The following NEIL3 variants were observed in gnomAD, a reference collection of about 807,000 sequenced individuals.
The protein encoded by NEIL3 is nei like DNA glycosylase 3, also known as endonuclease 8-like 3.
A neutral mutation model predicts 57.5 loss-of-function variants in NEIL3; 48 were observed. The ratio of observed to expected loss-of-function variants is 0.83; its 90% CI spans 0.66 to 1.06. The LOEUF (loss-of-function observed/expected upper bound fraction) is 1.06. Ranked by LOEUF, NEIL3 falls within the 50% of genes least tolerant of loss-of-function variation. The probability of loss-of-function intolerance (pLI) is 0.00; values close to 1 mark genes in which losing one functional copy is unlikely to be tolerated. For missense variants in NEIL3, 717 were observed against 739.1 expected (o/e 0.97, Z 0.35); for synonymous variants, 261 against 253.2 (o/e 1.03, Z -0.29).
intron 1 of NEIL3, among the ~76,000 whole-genome samples, chr4:177,312,722 G>C (rs560426654): frequency 3.9e-5 from 6 of 152,098 alleles, no homozygotes; most frequent in Non-Finnish European, 8.8e-5. Context: ...TTAAAAATTG[G>C]AATAGGTCTT....
intron 8 of NEIL3, chr4:177,356,928 T>C (rs1019461866): frequency 6.6e-6 from 1 of 152,226 alleles, no homozygotes; most frequent in African/African-American, 2.4e-5. Flanking sequence ...AAATTTTTCC[T>C]GCGTTGATGC....
At chr4:177,365,688 A>G (rs1735684345), downstream of NEIL3, among the ~76,000 whole-genome samples, 1 of 152,214 alleles carries the variant, frequency 6.6e-6, no homozygotes, top group South Asian at 2.1e-4. Context: ...GTTTAACATT[A>G]GAAGTCTGTT....
At chr4:177,343,387 A>G (rs1028581131) in intron 6 of NEIL3, 6 of 152,356 alleles carry the variant, frequency 3.9e-5, no homozygotes, top group African/African-American at 9.7e-5. Flanking sequence ...GCAAATACCT[A>G]TAACTACAAA....
At chr4:177,319,928 G>T (rs2111114722) in intron 1 of NEIL3, among the ~76,000 whole-genome samples, 1 of 152,272 alleles carries the variant, frequency 6.6e-6, no homozygotes, top group South Asian at 2.1e-4. Context: ...GTTGACATTG[G>T]AGTGGTGGGG....
intron 4 of NEIL3, among the ~76,000 whole-genome samples, chr4:177,337,717 G>A (rs932182959): frequency 1.3e-5 from 2 of 152,122 alleles, no homozygotes; most frequent in African/African-American, 4.8e-5. Context: ...TAATGACATT[G>A]GCCAGGCACG....
the NEIL3 span, among the ~76,000 whole-genome samples, chr4:177,368,969 T>C: frequency 6.6e-6 from 1 of 152,222 alleles, no homozygotes; most frequent in Admixed American, 6.5e-5. Context: ...TATCTTACAA[T>C]GCCCATGACT....
At chr4:177,351,243 C>CTGG (rs1040858180) in intron 6 of NEIL3, 137 bp from the exon 7 acceptor site, 3 of 193,426 alleles carry the variant, frequency 1.6e-5, no homozygotes, top group African/African-American at 9.2e-5. Flanking sequence ...AAAAAAGACT[C>CTGG]TAAGATACAG....
chr4:177,362,281 TCCTGCAGTGG>T lies in NEIL3; in HGVS notation c.1636-7_1638del. ...ATAAACTTGTAAATTTACCTTTTTTTCCTGCAGTGGGCAGATTTGTCCTTCCCATTCTGCA... is the reference window on the plus strand; with the variant it reads ...ATAAACTTGTAAATTTACCTTTTTTTGCAGATTTGTCCTTCCCATTCTGCA... On this transcript the variant is annotated splice_acceptor_variant and splice_polypyrimidine_tract_variant and coding_sequence_variant and intron_variant, in exon 10 of 10. Coordinates refer to ENST00000264596, the MANE Select transcript of NEIL3 (RefSeq NM_018248.3). LOFTEE classifies it high-confidence loss of function. The T allele has an allele frequency of 1.9e-6, 3 of 1,589,618 alleles. No homozygotes were observed. Among genetic ancestry groups the T allele is most frequent in the South Asian group, 1.2e-5 (1 of 86,948 alleles).
At chr4:177,354,738 T>C (rs1735438428) in intron 8 of NEIL3, among the ~76,000 whole-genome samples, 2 of 152,170 alleles carry the variant, frequency 1.3e-5, no homozygotes, top group Admixed American at 1.3e-4. Flanking sequence ...CACCTCAGCC[T>C]TCCAAAGTGC....
At chr4:177,313,790 AGT>A (rs1353328738) in intron 1 of NEIL3, among the ~76,000 whole-genome samples, 1 of 152,212 alleles carries the variant, frequency 6.6e-6, no homozygotes, top group Non-Finnish European at 1.5e-5. Flanking sequence ...TATGCTTCAC[AGT>A]GTCAGGAACT....
At chr4:177,348,780 G>C (rs1348849714) in intron 6 of NEIL3, among the ~76,000 whole-genome samples, 4 of 151,620 alleles carry the variant, frequency 2.6e-5, no homozygotes, top group Admixed American at 2.0e-4. Flanking sequence ...CTAGGTCTGG[G>C]CCTGATGAAT....
chr4:177,349,406 C>G (rs894091137), intron 6 of NEIL3, among the ~76,000 whole-genome samples: 2 of 152,086 alleles, frequency 1.3e-5, no homozygotes, highest in Non-Finnish European at 2.9e-5. Flanking sequence ...TCCGGTGCTG[C>G]CAGCGTTCTT....
chr4:177,318,766 A>G (rs577715477), intron 1 of NEIL3, among the ~76,000 whole-genome samples: 41 of 152,094 alleles, frequency 2.7e-4, no homozygotes, highest in African/African-American at 9.7e-4. Flanking sequence ...TCTTTTCCGA[A>G]TGTTCTAACA....
rs1167823089 is a variant in NEIL3 at position 177,314,993 on chromosome 4, CAGGAGGTGGAGCTTGCAGTGAGCCG to C, written c.156+4887_156+4911del. Among the ~76,000 whole-genome samples, 46 of 148,776 alleles carry C rather than the reference CAGGAGGTGGAGCTTGCAGTGAGCCG, an allele frequency of 3.1e-4. 1 individual carries two copies. The highest frequency in any genetic ancestry group is 2.2e-3 in the Admixed American group (32 of 14,608). On this transcript the variant is annotated intron_variant, in intron 1 of 9. Transcript: ENST00000264596. ...CTGAGGCAGGAGAATGGCGTGAACC[CAGGAGGTGGAGCTTGCAGTGAGCCG>C]AGATCGCGCCACTGCACTCGAGCCT...
intron 2 of NEIL3, among the ~76,000 whole-genome samples, chr4:177,324,962 T>C (rs1376661753): frequency 6.7e-6 from 1 of 148,808 alleles, no homozygotes; most frequent in Admixed American, 6.6e-5. Flanking sequence ...GATAGATAGA[T>C]AGATAGATAG....
intron 9 of NEIL3, among the ~76,000 whole-genome samples, chr4:177,360,984 C>T (rs974581065): frequency 1.3e-5 from 2 of 152,186 alleles, no homozygotes; most frequent in Non-Finnish European, 2.9e-5. Context: ...ACTAGTAGTA[C>T]ATATGTGGCT....
rs13327918 is a variant in NEIL3 at position 177,328,393 on chromosome 4, G to A, written c.278+5813G>A. ...AAACCAAACCAAATGTCCCTCACAC[G>A]TACCTAGCCAATGTGCTAAAAACCA... is the stretch of plus-strand genomic sequence containing the variant. On this transcript the variant is annotated intron_variant, in intron 2 of 9. Coordinates refer to ENST00000264596, the MANE Select transcript of NEIL3 (RefSeq NM_018248.3). Among the ~76,000 whole-genome samples, 622 of 152,224 alleles carry A rather than the reference G, an allele frequency of 4.1e-3. 2 individuals are homozygous for A. Among genetic ancestry groups the A allele is most frequent in the African/African-American group, 0.014 (591 of 41,550 alleles).
chr4:177,349,490 C>T (rs912771295), intron 6 of NEIL3, among the ~76,000 whole-genome samples: 1 of 152,126 alleles, frequency 6.6e-6, no homozygotes, highest in Non-Finnish European at 1.5e-5. Context: ...TATCAAATCT[C>T]CCCCTCCCTC....
rs142003842 is a variant in NEIL3, at chr4:177,359,074, G to C, written c.1461-1429G>C. ...TTTTGGAGGAGATTGGTGAAATGGA[G>C]TTTTGGAGGGGGTTGGTGAACTGAA... is the stretch of plus-strand genomic sequence containing the variant. On this transcript the variant is annotated intron_variant, in intron 8 of 9. Transcript: ENST00000264596. Among the ~76,000 whole-genome samples the C allele has an allele frequency of 2.7e-3, 418 of 152,314 alleles. 2 individuals are homozygous for C. The highest frequency in any genetic ancestry group is 5.0e-3 in the Non-Finnish European group (337 of 68,036).
Sources: gnomAD v4.1 joint callset for allele counts (sites outside exome capture counted in the v4.1 genomes callset) on GRCh38, gnomAD v4.1.1 for gene constraint, MANE v1.5 for transcripts, NCBI Gene and HGNC (gene_info 2026-07-23, HGNC 2026-07-21) for gene names.